Variants in PECR observed in about 807,000 individuals in gnomAD.
PECR encodes 2,4-dienoyl-CoA reductase-related protein.
In PECR, 30 loss-of-function variants were observed where a neutral mutation model predicts 35.3. That is an observed-to-expected ratio of 0.85 (90% CI 0.64 to 1.15). PECR has a LOEUF of 1.15. PECR is among the 50% of genes most tolerant of loss of function. PECR has a pLI of 0.00. For missense variants in PECR, 392 were observed against 370.8 expected (o/e 1.06, Z -0.47); for synonymous variants, 148 against 138.9 (o/e 1.07, Z -0.46).
At chr2:216,063,249 T>C (rs1028958276) in intron 3 of PECR, among the ~76,000 whole-genome samples, 1 of 152,234 alleles carries the variant, frequency 6.6e-6, no homozygotes, top group Non-Finnish European at 1.5e-5. Flanking sequence ...CATATAGATG[T>C]ATAAAACTTC....
intron 7 of PECR, chr2:216,032,788 C>A (rs1339108848): frequency 2.0e-5 from 3 of 152,202 alleles, no homozygotes; most frequent in Non-Finnish European, 2.9e-5. Flanking sequence ...ATGTAGCATA[C>A]CTTTCTTGAA....
chr2:216,073,075 C>G (rs1695617970), intron 1 of PECR, among the ~76,000 whole-genome samples: 1 of 152,128 alleles, frequency 6.6e-6, no homozygotes, highest in East Asian at 1.9e-4. Flanking sequence ...TTTTATAAAG[C>G]AAAAATTGGA....
In PECR at chr2:216,058,995, C is replaced by A; in HGVS notation, c.425-19G>T. ...CTGTAAACTGCAGGATAGAGGCAAA[C>A]TCAATCATTAAATTTTTAAAGTATC... On this transcript the variant is annotated intron_variant, in intron 3 of 7. Transcript: ENST00000265322. 1 of 1,507,764 alleles carries A rather than the reference C, an allele frequency of 6.6e-7. No individual in the cohort carries two copies. The highest frequency in any genetic ancestry group is 1.4e-5 in the African/African-American group (1 of 72,442). 93.4% of individuals were successfully genotyped at this position (1,507,764 alleles called of 1,614,324 possible). A position where few individuals can be genotyped will look rare whatever the true frequency, so the allele number is the denominator to read the frequency against.
intron 5 of PECR, 96 bp from the exon 6 acceptor site, chr2:216,049,469 A>C: frequency 1.6e-6 from 1 of 634,256 alleles, no homozygotes; most frequent in South Asian, 2.1e-5. Context: ...TTCAAACATT[A>C]AGTAGCTTAA....
At chr2:216,060,262 T>A (rs1695309414) in intron 3 of PECR, among the ~76,000 whole-genome samples, 2 of 152,202 alleles carry the variant, frequency 1.3e-5, no homozygotes, top group South Asian at 4.1e-4. Flanking sequence ...TCTGGATAAA[T>A]ACCACCATAT....
chr2:216,069,395 AGGG>A (rs960231824), intron 1 of PECR, among the ~76,000 whole-genome samples: 1 of 152,194 alleles, frequency 6.6e-6, no homozygotes, highest in African/African-American at 2.4e-5. Context: ...ACATGATCTA[AGGG>A]GGGACTGGCC....
chr2:216,070,063 C>G (rs986119351), intron 1 of PECR, among the ~76,000 whole-genome samples: 59 of 152,094 alleles, frequency 3.9e-4, no homozygotes, highest in Non-Finnish European at 8.8e-5. Flanking sequence ...GAAAAAAATG[C>G]TTGCTCTATA....
At chr2:216,039,850 TCTAAG>T (rs1219916302) in intron 7 of PECR, among the ~76,000 whole-genome samples, 6 of 152,174 alleles carry the variant, frequency 3.9e-5, no homozygotes, top group Non-Finnish European at 7.3e-5. Context: ...AGGCATGTGG[TCTAAG>T]CTAAGTCAGT....
At chr2:216,046,116 A>G (rs1694983516) in intron 6 of PECR, among the ~76,000 whole-genome samples, 1 of 150,918 alleles carries the variant, frequency 6.6e-6, no homozygotes, top group African/African-American at 2.4e-5. Context: ...AAAAAAAAAA[A>G]AGTTTTTGTT....
chr2:216,060,751 G>C (rs575162538), intron 3 of PECR, among the ~76,000 whole-genome samples: 1 of 152,170 alleles, frequency 6.6e-6, no homozygotes, highest in South Asian at 2.1e-4. Context: ...ACAGGTCTGA[G>C]CCATTTCAAA....
intron 3 of PECR, among the ~76,000 whole-genome samples, chr2:216,060,783 C>T (rs1476408217): frequency 6.6e-6 from 1 of 152,012 alleles, no homozygotes; most frequent in Admixed American, 6.6e-5. Flanking sequence ...GCCAGATTAG[C>T]TGGTCAACTA....
intron 4 of PECR, 43 bp downstream of exon 4, chr2:216,058,852 A>G: frequency 8.8e-7 from 1 of 1,138,726 alleles, no homozygotes; most frequent in Non-Finnish European, 1.3e-6. Context: ...ATCAGAAGAC[A>G]AAACTCAAAG....
At chr2:216,049,822 T>G (rs1695069133) in intron 5 of PECR, among the ~76,000 whole-genome samples, 1 of 152,208 alleles carries the variant, frequency 6.6e-6, no homozygotes, top group Admixed American at 6.5e-5. Context: ...AAATCGCAAA[T>G]AAAGCATTTG....
intron 1 of PECR, among the ~76,000 whole-genome samples, chr2:216,073,526 C>T (rs1695625732): frequency 6.6e-6 from 1 of 152,180 alleles, no homozygotes; most frequent in Non-Finnish European, 1.5e-5. Flanking sequence ...AGAGCAACTT[C>T]CAGTCCCGTA....
intron 1 of PECR, 77 bp from the exon 2 acceptor site, chr2:216,066,595 A>G (rs970855355): frequency 2.3e-6 from 3 of 1,328,396 alleles, no homozygotes; most frequent in Non-Finnish European, 3.3e-6. Flanking sequence ...TGAAAAGTAA[A>G]CCGCCAGGGA....
At chr2:216,079,151 CTTTT>C (rs77646025) in intron 1 of PECR, among the ~76,000 whole-genome samples, 2 of 99,394 alleles carry the variant, frequency 2.0e-5, no homozygotes, top group African/African-American at 3.3e-5. Flanking sequence ...AATGTTTTTG[CTTTT>C]TTTTTTTTTT....
chr2:216,080,291 G>T, intron 1 of PECR, among the ~76,000 whole-genome samples: 1 of 152,054 alleles, frequency 6.6e-6, no homozygotes, highest in East Asian at 1.9e-4. Flanking sequence ...GGCCAGGCTG[G>T]TCTCAAACTC....
chr2:216,056,938 T>C (rs191200860), intron 4 of PECR, among the ~76,000 whole-genome samples: 4 of 152,162 alleles, frequency 2.6e-5, no homozygotes, highest in Admixed American at 2.6e-4. Flanking sequence ...GCAAGAAGTA[T>C]CTGAAACACT....
chr2:216,072,463 C>T (rs920488223), intron 1 of PECR, among the ~76,000 whole-genome samples: 33 of 152,172 alleles, frequency 2.2e-4, no homozygotes, highest in African/African-American at 7.5e-4. Context: ...GTGTATCCAT[C>T]ACCTGAATAG....
Sources: allele counts gnomAD v4.1 joint callset (sites outside exome capture counted in the v4.1 genomes callset), GRCh38; gene constraint gnomAD v4.1.1; transcripts MANE v1.5; gene names NCBI Gene and HGNC (gene_info 2026-07-23, HGNC 2026-07-21).